TAFA1: variants seen among roughly 807,000 people sequenced by gnomAD.
TAFA1 encodes the protein TAFA chemokine like family member 1.
A neutral mutation model predicts 18.5 loss-of-function variants in TAFA1; 4 were observed. That is an observed-to-expected ratio of 0.22 (90% CI 0.11 to 0.49). TAFA1 has a LOEUF of 0.49. Ranked by LOEUF, TAFA1 falls within the 20% of genes least tolerant of loss-of-function variation. The pLI is 0.98. For synonymous variants in TAFA1, 56 were observed against 55.2 expected (o/e 1.01, Z -0.06); for missense variants, 147 against 169.0 (o/e 0.87, Z 0.72).
chr3:68,288,414 G>A (rs1417679513), intron 2 of TAFA1, among the ~76,000 whole-genome samples: 1 of 152,120 alleles, frequency 6.6e-6, no homozygotes, highest in Non-Finnish European at 1.5e-5. Flanking sequence ...AATGACTCTG[G>A]GAAACTTCCG....
intron 2 of TAFA1, among the ~76,000 whole-genome samples, chr3:68,282,189 C>T (rs1040187749): frequency 1.3e-5 from 2 of 152,162 alleles, no homozygotes; most frequent in African/African-American, 2.4e-5. Context: ...CCCATTGGGT[C>T]CCTCCCATGA....
intron 2 of TAFA1, among the ~76,000 whole-genome samples, chr3:68,392,828 A>G (rs1321226571): frequency 6.6e-6 from 1 of 152,234 alleles, no homozygotes; most frequent in Middle Eastern, 3.2e-3. Context: ...GACACAACGT[A>G]CCAGAATCTC....
chr3:68,445,318 T>A (rs1277607719), intron 3 of TAFA1, among the ~76,000 whole-genome samples: 1 of 152,172 alleles, frequency 6.6e-6, no homozygotes, highest in Non-Finnish European at 1.5e-5. Flanking sequence ...AGCCTTCTGA[T>A]TGCACAGTGT....
chr3:68,315,246 A>AT (rs1349529123), intron 2 of TAFA1, among the ~76,000 whole-genome samples: 3 of 152,160 alleles, frequency 2.0e-5, no homozygotes, highest in Non-Finnish European at 4.4e-5. Context: ...GAATTTTCCA[A>AT]TTATATCAAT....
intron 3 of TAFA1, among the ~76,000 whole-genome samples, chr3:68,535,094 A>G (rs1345808161): frequency 6.6e-6 from 1 of 152,202 alleles, no homozygotes; most frequent in Admixed American, 6.5e-5. Flanking sequence ...GTGGATAAGC[A>G]TCAGAAATGG....
chr3:68,471,186 G>A (rs1170928489), intron 3 of TAFA1, among the ~76,000 whole-genome samples: 1 of 152,240 alleles, frequency 6.6e-6, no homozygotes, highest in Non-Finnish European at 1.5e-5. Context: ...AGATTTCAGA[G>A]GATGTATGGA....
chr3:68,320,253 C>T (rs1213826581), intron 2 of TAFA1, among the ~76,000 whole-genome samples: 2 of 152,186 alleles, frequency 1.3e-5, no homozygotes, highest in Non-Finnish European at 2.9e-5. Context: ...TTTGTGGCCA[C>T]AACCTGGCTT....
At chr3:68,419,973 T>C (rs969281352) in intron 3 of TAFA1, among the ~76,000 whole-genome samples, 1 of 152,212 alleles carries the variant, frequency 6.6e-6, no homozygotes, top group Non-Finnish European at 1.5e-5. Flanking sequence ...CTATGTAGAC[T>C]GTCTCTCTTC....
chr3:68,242,560 A>G (rs1236011898), intron 2 of TAFA1, among the ~76,000 whole-genome samples: 1 of 152,208 alleles, frequency 6.6e-6, no homozygotes, highest in Non-Finnish European at 1.5e-5. Context: ...ATTTAATTAT[A>G]GTTAGAGTCT....
intron 2 of TAFA1, among the ~76,000 whole-genome samples, chr3:68,158,527 G>A (rs938677022): frequency 5.9e-5 from 9 of 151,290 alleles, no homozygotes; most frequent in Non-Finnish European, 1.0e-4. Context: ...ATGGCTATGA[G>A]GTCTCATCAA....
intron 2 of TAFA1, among the ~76,000 whole-genome samples, chr3:68,403,164 G>A (rs545334731): frequency 1.3e-5 from 2 of 152,198 alleles, no homozygotes; most frequent in African/African-American, 2.4e-5. Context: ...TCTAGCCTAG[G>A]TGTGTAGTAG....
intron 2 of TAFA1, among the ~76,000 whole-genome samples, chr3:68,152,208 T>C (rs1299107140): frequency 1.3e-5 from 2 of 152,118 alleles, no homozygotes; most frequent in African/African-American, 4.8e-5. Flanking sequence ...TGAAAGTGTG[T>C]CTACCTGCAT....
intron 2 of TAFA1, among the ~76,000 whole-genome samples, chr3:68,227,190 C>A (rs1237760198): frequency 1.3e-5 from 2 of 152,006 alleles, no homozygotes; most frequent in Non-Finnish European, 2.9e-5. Context: ...CTAGCATATG[C>A]AAATATTCAC....
intron 3 of TAFA1, among the ~76,000 whole-genome samples, chr3:68,451,873 T>G (rs753988103): frequency 1.3e-5 from 2 of 152,208 alleles, no homozygotes; most frequent in Non-Finnish European, 2.9e-5. Flanking sequence ...AAAGGTCAGT[T>G]CTGATGGCCT....
intron 2 of TAFA1, among the ~76,000 whole-genome samples, chr3:68,413,196 T>C (rs998652921): frequency 3.9e-5 from 6 of 152,336 alleles, no homozygotes; most frequent in African/African-American, 1.2e-4. Context: ...TGTCTGTTCA[T>C]ATCCTTTGCC....
intron 3 of TAFA1, among the ~76,000 whole-genome samples, chr3:68,532,215 A>G (rs2073197786): frequency 6.6e-6 from 1 of 152,170 alleles, no homozygotes; most frequent in Non-Finnish European, 1.5e-5. Context: ...TTATAGAAAG[A>G]ATAGGGGCTC....
intron 3 of TAFA1, among the ~76,000 whole-genome samples, chr3:68,530,285 G>C (rs2073171258): frequency 6.6e-6 from 1 of 152,146 alleles, no homozygotes; most frequent in African/African-American, 2.4e-5. Context: ...TGCCTCATGA[G>C]TGAACAACAA....
At chr3:68,397,132 T>G (rs897043245) in intron 2 of TAFA1, among the ~76,000 whole-genome samples, 1 of 151,990 alleles carries the variant, frequency 6.6e-6, no homozygotes, top group Non-Finnish European at 1.5e-5. Flanking sequence ...GGATCTTCCG[T>G]TTTCTTTCTT....
intron 2 of TAFA1, among the ~76,000 whole-genome samples, chr3:68,406,242 G>A (rs1575839640): frequency 6.6e-6 from 1 of 152,110 alleles, no homozygotes; most frequent in African/African-American, 2.4e-5. Flanking sequence ...CATGGCCTAT[G>A]TCTGTTCTGG....
Sources: gnomAD v4.1 joint callset for allele counts (sites outside exome capture counted in the v4.1 genomes callset) on GRCh38, gnomAD v4.1.1 for gene constraint, MANE v1.5 for transcripts, NCBI Gene and HGNC (gene_info 2026-07-23, HGNC 2026-07-21) for gene names.